Variants in ZNF529 observed in about 807,000 individuals in gnomAD.
The protein encoded by ZNF529 is zinc finger protein 529.
A neutral mutation model predicts 10.1 loss-of-function variants in ZNF529; 11 were observed. The ratio of observed to expected loss-of-function variants is 1.09; its 90% CI spans 0.69 to 1.81. ZNF529 has a LOEUF of 1.81. Among genes scored for constraint, ZNF529 ranks in the 40% most tolerant of loss-of-function variants. ZNF529 has a pLI of 0.00. For missense variants in ZNF529, 624 were observed against 666.8 expected, an observed-to-expected ratio of 0.94 and a Z score of 0.71; for synonymous variants, 204 against 215.7, an observed-to-expected ratio of 0.95 and a Z score of 0.47.
At chr19:36,562,849 A>AT (rs1439837626) in intron 2 of ZNF529, among the ~76,000 whole-genome samples, 107 of 150,584 alleles carry the variant, frequency 7.1e-4, no homozygotes, top group African/African-American at 2.5e-3. Context: ...AAAAAAAAAA[A>AT]AGAAGGTGGA....
intron 2 of ZNF529, among the ~76,000 whole-genome samples, chr19:36,558,159 A>T (rs545624274): frequency 6.6e-6 from 1 of 152,292 alleles, no homozygotes; most frequent in East Asian, 1.9e-4. Flanking sequence ...AACAAGACAA[A>T]TTAACATCTC....
intron 1 of ZNF529, among the ~76,000 whole-genome samples, chr19:36,602,223 T>G (rs186244341): frequency 8.5e-4 from 129 of 152,058 alleles, no homozygotes; most frequent in Middle Eastern, 3.4e-3. Flanking sequence ...AATTTTTGTA[T>G]TTTTAGTAGA....
Position 36,548,072 on chromosome 19 carries a change from C to T in ZNF529, c.486G>A (p.Arg162=). Residue 162 remains arginine (R), a synonymous_variant, in exon 5 of 5, where the codon CGG becomes CGA. Coordinates refer to ENST00000591340, the MANE Select transcript of ZNF529 (RefSeq NM_020951.5). ...YKTHESLTLP[R]RTHDSEKPYE... ...AGGGCTTCTCACTGTCATGAGTTCT[C>T]CGAGGTAAAGTAAGAGATTCATGAG... is the stretch of plus-strand genomic sequence containing the variant. The T allele has an allele frequency of 1.2e-6, 2 of 1,613,886 alleles. No homozygotes were observed. Among genetic ancestry groups the T allele is most frequent in the Non-Finnish European group, 1.7e-6 (2 of 1,179,866 alleles).
intron 2 of ZNF529, among the ~76,000 whole-genome samples, chr19:36,559,503 T>A (rs2145816837): frequency 6.6e-6 from 1 of 152,326 alleles, no homozygotes; most frequent in East Asian, 1.9e-4. Context: ...GAGACGGGGT[T>A]TCACCATGTT....
chr19:36,574,358 C>A (rs146415531), upstream of ZNF529, among the ~76,000 whole-genome samples: 2 of 152,314 alleles, frequency 1.3e-5, no homozygotes, highest in African/African-American at 4.8e-5. Context: ...GCACGCTTCA[C>A]AGAGAATAGA....
In ZNF529 at chr19:36,569,602, TA is replaced by T. The variant is rs532554413; in HGVS notation, c.14+2730del. On this transcript the variant is annotated intron_variant, in intron 2 of 4. Coordinates refer to ENST00000591340, the MANE Select transcript of ZNF529 (RefSeq NM_020951.5). ...CAACATGGTAAAACCCTGTCTCTACTAAAAAAAAAAAAAATTTAGCTGAGTG... is the reference window on the plus strand; with the variant it reads ...CAACATGGTAAAACCCTGTCTCTACTAAAAAAAAAAAAATTTAGCTGAGTG... Among the ~76,000 whole-genome samples, 1,047 of 140,984 alleles carry T rather than the reference TA, an allele frequency of 7.4e-3. 23 individuals carry two copies. Among genetic ancestry groups the T allele is most frequent in the Admixed American group, 0.041 (575 of 14,134 alleles). The allele number at this position is 140,984 out of a possible 152,430, so 92.5% of individuals were successfully genotyped here.
rs953866333 is a variant in ZNF529, at chr19:36,545,867, T to G, written c.*999A>C. On this transcript the variant is annotated 3_prime_UTR_variant, in exon 5 of 5. Coordinates refer to ENST00000591340, the MANE Select transcript of ZNF529 (RefSeq NM_020951.5). Reference sequence around the variant, plus strand: ...AGAGAATGATAAATTTTAAGAGACTTACTGGGTGAGTAGTTTTATCAAATA... The same window carrying G: ...AGAGAATGATAAATTTTAAGAGACTGACTGGGTGAGTAGTTTTATCAAATA... 6.6e-6 allele frequency: 1 copy of G among 152,048 alleles called. No individual in the cohort carries two copies. Among genetic ancestry groups the G allele is most frequent in the Admixed American group, 6.6e-5 (1 of 15,246 alleles). 9.4% of individuals were successfully genotyped at this position (152,048 alleles called of 1,614,324 possible). A position where few individuals can be genotyped will look rare whatever the true frequency, so the allele number is the denominator to read the frequency against.
At chr19:36,552,152 T>A (rs980988719) in intron 4 of ZNF529, among the ~76,000 whole-genome samples, 3 of 152,134 alleles carry the variant, frequency 2.0e-5, no homozygotes, top group African/African-American at 7.2e-5. Context: ...CAGTCTGGGC[T>A]GGGTGCAGTG....
chr19:36,572,942 C>T (rs1005946720), intron 1 of ZNF529, 198 bp downstream of exon 1: 1 of 153,412 alleles, frequency 6.5e-6, no homozygotes, highest in African/African-American at 2.4e-5. Context: ...AACAAAAAAA[C>T]ACTTCTACCC....
chr19:36,579,480 AAC>A (rs1483857019), intron 2 of ZNF529, among the ~76,000 whole-genome samples: 1 of 152,240 alleles, frequency 6.6e-6, no homozygotes, highest in Admixed American at 6.5e-5. Flanking sequence ...AGAGCACACT[AAC>A]ACAAACAGCA....
chr19:36,560,977 TGTG>T (rs2035669485), intron 2 of ZNF529, among the ~76,000 whole-genome samples: 1 of 152,066 alleles, frequency 6.6e-6, no homozygotes, highest in Non-Finnish European at 1.5e-5. Flanking sequence ...AAACCAAGGG[TGTG>T]ACCAAGTGAC....
chr19:36,556,005 G>A, intron 3 of ZNF529, 99 bp downstream of exon 3: 1 of 1,242,648 alleles, frequency 8.0e-7, no homozygotes, highest in Non-Finnish European at 1.1e-6. Flanking sequence ...AGAAAGCGAA[G>A]AAGTATGGGG....
intron 2 of ZNF529, among the ~76,000 whole-genome samples, chr19:36,560,574 CCTTT>C (rs1165375892): frequency 6.6e-6 from 1 of 151,948 alleles, no homozygotes; most frequent in Non-Finnish European, 1.5e-5. Context: ...TAAAGGTTCT[CCTTT>C]CTTCTCATTT....
chr19:36,548,106 C>G lies in ZNF529; in HGVS notation c.452G>C (p.Ser151Thr). 6.2e-7 allele frequency: 1 copy of G among 1,613,892 alleles called. No homozygotes were observed. The highest frequency in any genetic ancestry group is 1.3e-5 in the African/African-American group (1 of 75,052). The change falls in exon 5 of 5, where the codon AGT becomes ACT. Residue 151 changes from serine to threonine, a missense_variant. Transcript: ENST00000591340. ...AGTAAGAGATTCATGAGTTTTGTAACTGGGCACATTTTCAGAGATGATTTT... is the reference window on the plus strand; with the variant it reads ...AGTAAGAGATTCATGAGTTTTGTAAGTGGGCACATTTTCAGAGATGATTTT... ...QMKIISENVP[S>T]YKTHESLTLP... is the part of the protein sequence containing the mutation.
intron 1 of ZNF529, among the ~76,000 whole-genome samples, chr19:36,592,662 G>A (rs1314833828): frequency 2.6e-5 from 4 of 151,730 alleles, no homozygotes; most frequent in East Asian, 1.9e-4. Flanking sequence ...ATGTAAAAAG[G>A]TTACAAAATG....
rs1257042100 is a variant in ZNF529 at position 36,554,659 on chromosome 19, G to C, written c.235+11C>G. On this transcript the variant is annotated intron_variant, in intron 4 of 4. Transcript: ENST00000591340. Reference sequence around the variant, plus strand: ...AGTATATTCTAAGTTATTTAAGGCAGATAAATTTACCCAGTGAGAGTAAGT... The same window carrying C: ...AGTATATTCTAAGTTATTTAAGGCACATAAATTTACCCAGTGAGAGTAAGT... 10 of 1,538,922 alleles carry C rather than the reference G, an allele frequency of 6.5e-6. No homozygotes were observed. The East Asian group carries it at 2.4e-4, about 37-fold the overall frequency.
Position 36,547,009 on chromosome 19 carries a change from G to C in ZNF529, c.1549C>G (p.His517Asp). 6.2e-7 allele frequency: 1 copy of C among 1,613,880 alleles called. No homozygotes were observed. The highest frequency in any genetic ancestry group is 1.1e-5 in the South Asian group (1 of 91,070). ...ECKACGKAFR[H>D]SSSFTKHQRI... is the part of the protein sequence containing the mutation. ...TGATGTTTGGTAAAGGATGAACTATGTCTAAAGGCCTTCCCACATGCCTTG... is the reference window on the plus strand; with the variant it reads ...TGATGTTTGGTAAAGGATGAACTATCTCTAAAGGCCTTCCCACATGCCTTG... Residue 517 changes from histidine to aspartate, a missense_variant, in exon 5 of 5, where the codon CAT becomes GAT. Physicochemically the swap from His to Asp is moderately conservative, Grantham distance 81. Coordinates refer to ENST00000591340, the MANE Select transcript of ZNF529 (RefSeq NM_020951.5).
intron 2 of ZNF529, chr19:36,580,882 A>G (rs980999690): frequency 2.6e-5 from 4 of 152,210 alleles, no homozygotes; most frequent in Admixed American, 6.5e-5. Context: ...CATTGTATTA[A>G]GTATTATAAA....
At chr19:36,598,934 T>C (rs1279662928) in intron 1 of ZNF529, among the ~76,000 whole-genome samples, 1 of 152,208 alleles carries the variant, frequency 6.6e-6, no homozygotes, top group African/African-American at 2.4e-5. Context: ...AGCCTGCAAA[T>C]GTAATTAGTC....
Sources: gnomAD v4.1 joint callset for allele counts (sites outside exome capture counted in the v4.1 genomes callset) on GRCh38, gnomAD v4.1.1 for gene constraint, MANE v1.5 for transcripts, NCBI Gene and HGNC (gene_info 2026-07-23, HGNC 2026-07-21) for gene names.